The following GALNT2 variants were observed in gnomAD, a reference collection of about 807,000 sequenced individuals.
The protein encoded by GALNT2 is polypeptide N-acetylgalactosaminyltransferase 2.
GALNT2 carries 31 observed loss-of-function variants against 81.4 expected under a neutral mutation model. The ratio of observed to expected loss-of-function variants is 0.38; its 90% confidence interval spans 0.29 to 0.51. The LOEUF (loss-of-function observed/expected upper bound fraction) is 0.51. Among genes scored for constraint, GALNT2 ranks in the 20% least tolerant of loss-of-function variants. GALNT2 has a pLI of 0.87. For missense variants in GALNT2, 629 were observed against 765.7 expected (o/e 0.82, Z 2.11); for synonymous variants, 303 against 287.4 (o/e 1.05, Z -0.55).
chr1:230,176,276 A>G (rs958817392), intron 1 of GALNT2, among the ~76,000 whole-genome samples: 1 of 151,906 alleles, frequency 6.6e-6, no homozygotes, highest in Non-Finnish European at 1.5e-5. Context: ...TGTGGGCACA[A>G]AAAAAAAGTT....
chr1:230,139,065 A>G (rs961565771), intron 1 of GALNT2, among the ~76,000 whole-genome samples: 16 of 152,200 alleles, frequency 1.1e-4, no homozygotes, highest in African/African-American at 3.9e-4. Flanking sequence ...TGACATGAGC[A>G]CTCAGTGTCT....
intron 1 of GALNT2, among the ~76,000 whole-genome samples, chr1:230,107,485 C>T (rs977705047): frequency 1.3e-5 from 2 of 151,954 alleles, no homozygotes; most frequent in Non-Finnish European, 2.9e-5. Context: ...GAGGCTGAGA[C>T]GGGAGCATTG....
chr1:230,267,155 C>G (rs1385620418), intron 14 of GALNT2, among the ~76,000 whole-genome samples: 2 of 152,256 alleles, frequency 1.3e-5, no homozygotes, highest in Non-Finnish European at 2.9e-5. Flanking sequence ...TACTCAGATG[C>G]AGAGCTTGTT....
intron 3 of GALNT2, among the ~76,000 whole-genome samples, chr1:230,219,056 C>G (rs1204238856): frequency 6.6e-6 from 1 of 152,212 alleles, no homozygotes; most frequent in Non-Finnish European, 1.5e-5. Flanking sequence ...AAACCATCTC[C>G]CCTCTCCACC....
intron 1 of GALNT2, among the ~76,000 whole-genome samples, chr1:230,177,266 A>G (rs1311921377): frequency 1.3e-5 from 2 of 152,268 alleles, no homozygotes; most frequent in East Asian, 1.9e-4. Flanking sequence ...GCACTGGTCC[A>G]GAGGAGTGCT....
intron 1 of GALNT2, among the ~76,000 whole-genome samples, chr1:230,127,520 C>T (rs1553258920): frequency 6.6e-6 from 1 of 152,016 alleles, no homozygotes; most frequent in Non-Finnish European, 1.5e-5. Flanking sequence ...GGACTACAGG[C>T]ATGCGGCACC....
chr1:230,103,708 C>T (rs1365778024), intron 1 of GALNT2, among the ~76,000 whole-genome samples: 3 of 149,506 alleles, frequency 2.0e-5, no homozygotes, highest in African/African-American at 7.5e-5. Flanking sequence ...CCCTCCAAAA[C>T]CACACACACA....
At chr1:230,063,156 C>A (rs1301307982), upstream of GALNT2, among the ~76,000 whole-genome samples, 2 of 151,934 alleles carry the variant, frequency 1.3e-5, no homozygotes, top group Admixed American at 6.6e-5. Context: ...ACTAGAAATA[C>A]AAAAATTAGC....
rs182564061 is a variant in GALNT2 at position 230,187,711 on chromosome 1, C to T, written c.220+9400C>T. Among the ~76,000 whole-genome samples, 450 of 152,216 alleles carry T rather than the reference C, an allele frequency of 3.0e-3. 3 individuals carry two copies. Among genetic ancestry groups the T allele is most frequent in the African/African-American group, 9.9e-3 (413 of 41,532 alleles). ...ATTGAAGGATGGTGAATGTGGAGGA[C>T]TTTATTGAGCACTGGAAGTGGCTCT... On this transcript the variant is annotated intron_variant, in intron 2 of 15. Coordinates refer to ENST00000366672, the MANE Select transcript of GALNT2 (RefSeq NM_004481.5).
chr1:230,198,379 G>A (rs1327912883), intron 2 of GALNT2, among the ~76,000 whole-genome samples: 6 of 144,800 alleles, frequency 4.1e-5, no homozygotes, highest in African/African-American at 1.2e-4. Context: ...AGGAGCGTAC[G>A]AGGAGTGGCA....
upstream of GALNT2, among the ~76,000 whole-genome samples, chr1:230,064,176 T>C (rs977232090): frequency 6.6e-6 from 1 of 152,246 alleles, no homozygotes; most frequent in Non-Finnish European, 1.5e-5. Context: ...TTTTATATGG[T>C]ATCCTTTCAC....
chr1:230,067,182 C>T, upstream of GALNT2: 1 of 672,244 alleles, frequency 1.5e-6, no homozygotes, highest in Non-Finnish European at 2.0e-6. Flanking sequence ...CCGCGCCCTT[C>T]CCCTTCCTCC....
chr1:230,114,098 A>T (rs1446320153), intron 1 of GALNT2, among the ~76,000 whole-genome samples: 1 of 151,800 alleles, frequency 6.6e-6, no homozygotes, highest in Non-Finnish European at 1.5e-5. Context: ...TTCAGTTCGG[A>T]GCTGGCTTCT....
At chr1:230,212,130 G>A (rs867711523) in intron 3 of GALNT2, among the ~76,000 whole-genome samples, 119 of 152,286 alleles carry the variant, frequency 7.8e-4, no homozygotes, top group African/African-American at 2.7e-3. Context: ...TGAGGCAGAC[G>A]AGAAAGGTGA....
chr1:230,068,213 G>A (rs555014611), intron 1 of GALNT2, among the ~76,000 whole-genome samples: 1 of 152,358 alleles, frequency 6.6e-6, no homozygotes, highest in Non-Finnish European at 1.5e-5. Context: ...CTGGCTGTGG[G>A]GACCGTGTGA....
intron 2 of GALNT2, among the ~76,000 whole-genome samples, chr1:230,197,040 G>T (rs1440360357): frequency 6.6e-6 from 1 of 151,992 alleles, no homozygotes; most frequent in Non-Finnish European, 1.5e-5. Flanking sequence ...TTTTGTAGTG[G>T]GCTGTGTCTG....
intron 1 of GALNT2, among the ~76,000 whole-genome samples, chr1:230,156,624 C>T (rs1482500857): frequency 1.3e-5 from 2 of 152,114 alleles, no homozygotes; most frequent in African/African-American, 4.8e-5. Flanking sequence ...ATCACATTTT[C>T]TGCAGTTAAA....
chr1:230,194,492 G>A (rs7553390), intron 2 of GALNT2, among the ~76,000 whole-genome samples: 4,645 of 152,268 alleles, frequency 0.031, 246 homozygotes, highest in African/African-American at 0.11. Context: ...ATTAACCTGG[G>A]CCCATCCCCT....
chr1:230,205,565 GACTA>G (rs1664034667), intron 3 of GALNT2, among the ~76,000 whole-genome samples: 1 of 152,148 alleles, frequency 6.6e-6, no homozygotes, highest in Non-Finnish European at 1.5e-5. Flanking sequence ...AAGTCAGCTT[GACTA>G]ACTGTTTAGT....
Sources: gnomAD v4.1 joint callset for allele counts (sites outside exome capture counted in the v4.1 genomes callset) on GRCh38, gnomAD v4.1.1 for gene constraint, MANE v1.5 for transcripts, NCBI Gene and HGNC (gene_info 2026-07-23, HGNC 2026-07-21) for gene names.